Variants in IP6K1 observed in about 807,000 individuals in gnomAD.
IP6K1 encodes the protein inositol hexakisphosphate kinase 1.
A neutral mutation model predicts 38.3 loss-of-function variants in IP6K1; 13 were observed. The ratio of observed to expected loss-of-function variants is 0.34; its 90% CI spans 0.22 to 0.54. IP6K1 has a LOEUF of 0.54. Ranked by LOEUF, IP6K1 falls within the 20% of genes least tolerant of loss-of-function variation. The pLI, the probability that IP6K1 is intolerant of heterozygous loss-of-function variation, is 0.92. For synonymous variants in IP6K1, 212 were observed against 229.9 expected (o/e 0.92, Z 0.70); for missense variants, 397 against 599.8 (o/e 0.66, Z 3.53).
At chr3:49,754,563 C>T (rs145768574) in intron 1 of IP6K1, among the ~76,000 whole-genome samples, 1 of 152,146 alleles carries the variant, frequency 6.6e-6, no homozygotes. Context: ...GACTAAAGAA[C>T]TTGTTGAACC....
rs2080735201 is a variant in IP6K1, at chr3:49,747,855, G to A, written c.186C>T (p.Leu62=). ...ISREQRFYES[L]PPEMKEFTPE... ...GGGTGAACTCCTTCATTTCGGGAGG[G>A]AGGGACTCGTAAAAGCGCTGTTCCC... Residue 62 remains leucine (L), a synonymous_variant, in exon 2 of 6, where the codon CTC becomes CTT. Transcript: ENST00000321599. The A allele has an allele frequency of 1.2e-6, 2 of 1,614,148 alleles. No homozygotes were observed. The highest frequency in any genetic ancestry group is 1.7e-6 in the Non-Finnish European group (2 of 1,180,018).
chr3:49,771,994 G>A (rs930775747), intron 1 of IP6K1, among the ~76,000 whole-genome samples: 4 of 151,976 alleles, frequency 2.6e-5, no homozygotes, highest in Non-Finnish European at 5.9e-5. Context: ...AGGGAGGATC[G>A]CTTGAGCCCA....
intron 1 of IP6K1, among the ~76,000 whole-genome samples, chr3:49,750,734 C>A (rs2080767295): frequency 6.6e-6 from 1 of 152,092 alleles, no homozygotes; most frequent in Non-Finnish European, 1.5e-5. Flanking sequence ...AGCCCTTCCC[C>A]TGACTCTGAG....
At chr3:49,742,956 C>T (rs1210323601) in intron 2 of IP6K1, among the ~76,000 whole-genome samples, 3 of 151,372 alleles carry the variant, frequency 2.0e-5, no homozygotes, top group Admixed American at 2.0e-4. Flanking sequence ...AGTCCAGCCA[C>T]GGTGGCTCAT....
chr3:49,766,935 G>A (rs1281831292), intron 1 of IP6K1, among the ~76,000 whole-genome samples: 1 of 144,382 alleles, frequency 6.9e-6, no homozygotes, highest in Non-Finnish European at 1.5e-5. Flanking sequence ...TCCAGCCGGG[G>A]TGACAAGAGC....
At chr3:49,769,505 A>G (rs1314253732) in intron 1 of IP6K1, among the ~76,000 whole-genome samples, 1 of 152,220 alleles carries the variant, frequency 6.6e-6, no homozygotes, top group East Asian at 1.9e-4. Context: ...ATCAGGATAT[A>G]ACAGTCAATT....
At chr3:49,784,835 C>T (rs2108268518) in intron 1 of IP6K1, among the ~76,000 whole-genome samples, 1 of 152,058 alleles carries the variant, frequency 6.6e-6, no homozygotes, top group South Asian at 2.1e-4. Context: ...GTCCCAGCTA[C>T]TCGGGAGGCT....
At chr3:49,784,815 C>A (rs777571056) in intron 1 of IP6K1, among the ~76,000 whole-genome samples, 1 of 151,686 alleles carries the variant, frequency 6.6e-6, no homozygotes, top group Non-Finnish European at 1.5e-5. Flanking sequence ...TGTGGTGGCA[C>A]GTGCCTGTAG....
chr3:49,732,725 AATGGTGCCCCAACACACGACCTATGG>A (rs2080573935), intron 4 of IP6K1, 40 bp downstream of exon 4: 1 of 1,364,822 alleles, frequency 7.3e-7, no homozygotes, highest in African/African-American at 1.5e-5. Flanking sequence ...CCATAGGCAG[AATGGTGCCCCAACACACGACCTATGG>A]ACCCAGTAGA....
chr3:49,734,867 C>T (rs2080593515), intron 3 of IP6K1, among the ~76,000 whole-genome samples: 1 of 152,208 alleles, frequency 6.6e-6, no homozygotes, highest in Non-Finnish European at 1.5e-5. Context: ...ACAAGCCCCA[C>T]CCCTGGAATG....
At position 49,733,295 on chromosome 3, in the gene IP6K1, A is replaced by G. The variant is rs890734579; in HGVS notation, c.435-323T>C. On this transcript the variant is annotated intron_variant, in intron 3 of 5. Coordinates refer to ENST00000321599, the MANE Select transcript of IP6K1 (RefSeq NM_153273.4). ...GAGCAAGTGTCCAGTATGTGAAGAA[A>G]TTAGAACTCTCGTACACTGCTGGTG... Among the ~76,000 whole-genome samples the G allele has an allele frequency of 4.6e-5, 7 of 152,240 alleles. No homozygotes were observed. The East Asian group carries it at 1.3e-3, about 29-fold the overall frequency.
rs1247176779 is a variant in IP6K1 at position 49,743,452 on chromosome 3, G to T, written c.223+4366C>A. ...CTCAGCACTATGAGAGGCCAAGGTGGGAGGATTCCTTGAGGCTAGGAGTTC... is the reference window on the plus strand; with the variant it reads ...CTCAGCACTATGAGAGGCCAAGGTGTGAGGATTCCTTGAGGCTAGGAGTTC... On this transcript the variant is annotated intron_variant, in intron 2 of 5. Transcript: ENST00000321599. Among the ~76,000 whole-genome samples the T allele has an allele frequency of 2.0e-5, 3 of 151,990 alleles. No homozygotes were observed. In the East Asian group the frequency reaches 5.8e-4, roughly 29 times the overall value.
intron 1 of IP6K1, among the ~76,000 whole-genome samples, chr3:49,762,293 C>T (rs760149841): frequency 5.3e-5 from 8 of 152,026 alleles, no homozygotes; most frequent in African/African-American, 1.9e-4. Context: ...CCTGCAATCC[C>T]GGTACTTTGG....
At chr3:49,781,013 A>G (rs1272958455) in intron 1 of IP6K1, among the ~76,000 whole-genome samples, 1 of 152,108 alleles carries the variant, frequency 6.6e-6, no homozygotes, top group Non-Finnish European at 1.5e-5. Flanking sequence ...AGTGTAAAAT[A>G]CAGTCCCTGT....
At chr3:49,762,663 G>C (rs1335375918) in intron 1 of IP6K1, among the ~76,000 whole-genome samples, 3 of 152,070 alleles carry the variant, frequency 2.0e-5, no homozygotes, top group Admixed American at 2.0e-4. Context: ...GGTTTCACTA[G>C]TGAATTCTAT....
At chr3:49,784,632 G>A (rs545906614) in intron 1 of IP6K1, among the ~76,000 whole-genome samples, 11 of 145,500 alleles carry the variant, frequency 7.6e-5, no homozygotes, top group South Asian at 6.6e-4. Context: ...GTGAGAGAAC[G>A]AGACTTCGTC....
At chr3:49,771,353 A>C in intron 1 of IP6K1, among the ~76,000 whole-genome samples, 1 of 152,140 alleles carries the variant, frequency 6.6e-6, no homozygotes, top group East Asian at 1.9e-4. Context: ...TTTCTTTAAA[A>C]AATAAAAAAG....
Position 49,748,155 on chromosome 3 carries a change from CT to C in IP6K1, c.-116del. 1 of 1,026,752 alleles carries C rather than the reference CT, an allele frequency of 9.7e-7. No homozygotes were observed. Among genetic ancestry groups the C allele is most frequent in the Non-Finnish European group, 1.5e-6 (1 of 682,582 alleles). The allele number at this position is 1,026,752 out of a possible 1,614,324, so 63.6% of individuals were successfully genotyped here. ...AAGCCAATGGTCAGATTCTATTCAG[CT>C]TATTATTCTGTCCTACAGAAAAGAA... is the stretch of plus-strand genomic sequence containing the variant. On this transcript the variant is annotated 5_prime_UTR_variant, in exon 2 of 6. Transcript: ENST00000321599.
At chr3:49,731,170 C>T (rs1337798188) in intron 4 of IP6K1, among the ~76,000 whole-genome samples, 2 of 152,008 alleles carry the variant, frequency 1.3e-5, no homozygotes, top group East Asian at 3.8e-4. Context: ...ATGGTCCTAA[C>T]TCCCTGGCAT....
Sources: allele counts gnomAD v4.1 joint callset (sites outside exome capture counted in the v4.1 genomes callset), GRCh38; gene constraint gnomAD v4.1.1; transcripts MANE v1.5; gene names NCBI Gene and HGNC (gene_info 2026-07-23, HGNC 2026-07-21).